SRPK2: variants seen among roughly 807,000 people sequenced by gnomAD.
SRPK2 encodes SRSF protein kinase 2, also known as SFRS protein kinase 2.
A neutral mutation model predicts 90.8 loss-of-function variants in SRPK2; 21 were observed. The observed-to-expected ratio is 0.23, with a 90% confidence interval of 0.16 to 0.33. The LOEUF (loss-of-function observed/expected upper bound fraction) is 0.33. Among genes scored for constraint, SRPK2 ranks in the 10% least tolerant of loss-of-function variants. The probability of loss-of-function intolerance (pLI) is 1.00; values close to 1 mark genes in which losing one functional copy is unlikely to be tolerated. For missense variants in SRPK2, 620 were observed against 869.0 expected, an observed-to-expected ratio of 0.71 and a Z score of 3.60; for synonymous variants, 288 against 311.1, an observed-to-expected ratio of 0.93 and a Z score of 0.78.
intron 2 of SRPK2, among the ~76,000 whole-genome samples, chr7:105,331,116 T>C (rs191210614): frequency 3.8e-4 from 58 of 151,936 alleles, no homozygotes; most frequent in Non-Finnish European, 6.6e-4. Context: ...AGCCTGACCA[T>C]CATGGTGAAA....
intron 15 of SRPK2, among the ~76,000 whole-genome samples, chr7:105,122,106 T>C (rs192505853): frequency 2.0e-5 from 3 of 152,198 alleles, no homozygotes; most frequent in Admixed American, 6.5e-5. Flanking sequence ...TAGGTAAATA[T>C]TGGAGTTTAA....
intron 2 of SRPK2, among the ~76,000 whole-genome samples, chr7:105,212,739 C>T (rs984382776): frequency 2.6e-5 from 4 of 152,064 alleles, no homozygotes; most frequent in African/African-American, 4.8e-5. Flanking sequence ...CATGGGAAAA[C>T]GCTGCAATTG....
At chr7:105,397,802 C>A (rs1002507939) in intron 1 of SRPK2, among the ~76,000 whole-genome samples, 1 of 152,046 alleles carries the variant, frequency 6.6e-6, no homozygotes, top group African/African-American at 2.4e-5. Flanking sequence ...TAGCACCATG[C>A]CCTGCTAATT....
chr7:105,332,480 T>A (rs945952791), intron 2 of SRPK2, among the ~76,000 whole-genome samples: 1 of 152,192 alleles, frequency 6.6e-6, no homozygotes, highest in Non-Finnish European at 1.5e-5. Flanking sequence ...GCTCACTTTG[T>A]AGGCCAGGCG....
intron 3 of SRPK2, among the ~76,000 whole-genome samples, chr7:105,176,226 T>A (rs1172582160): frequency 1.3e-5 from 2 of 152,158 alleles, no homozygotes; most frequent in African/African-American, 4.8e-5. Context: ...AAAGAAAATC[T>A]ATATGATGAG....
At chr7:105,323,498 T>C (rs1479269202) in intron 2 of SRPK2, among the ~76,000 whole-genome samples, 2 of 152,196 alleles carry the variant, frequency 1.3e-5, no homozygotes, top group Non-Finnish European at 2.9e-5. Context: ...ATTCCGTGTT[T>C]GAGACACTGT....
chr7:105,244,140 A>C (rs1408772711), intron 2 of SRPK2, among the ~76,000 whole-genome samples: 1 of 152,188 alleles, frequency 6.6e-6, no homozygotes, highest in African/African-American at 2.4e-5. Flanking sequence ...GCCAACCAAA[A>C]CCACTGTAGT....
At chr7:105,270,842 C>A (rs1161414126) in intron 2 of SRPK2, among the ~76,000 whole-genome samples, 1 of 152,146 alleles carries the variant, frequency 6.6e-6, no homozygotes, top group African/African-American at 2.4e-5. Context: ...AATGAAATAA[C>A]CCATGAAAAT....
At chr7:105,244,608 C>T (rs2129626525) in intron 2 of SRPK2, 1 of 667,980 alleles carries the variant, frequency 1.5e-6, no homozygotes, top group South Asian at 1.6e-5. Context: ...TTCCACGCGG[C>T]GCCAGCCCCA....
rs545246857 is a variant in SRPK2 at position 105,332,436 on chromosome 7, A to T, written c.71+56212T>A. On this transcript the variant is annotated intron_variant, in intron 2 of 15. Coordinates refer to ENST00000393651, the MANE Select transcript of SRPK2 (RefSeq NM_182692.3). ...AACTAACTGCACAAAAGATATCCACAGGAGGAGAAAACAGTGATATTTAAA... is the reference window on the plus strand; with the variant it reads ...AACTAACTGCACAAAAGATATCCACTGGAGGAGAAAACAGTGATATTTAAA... Among the ~76,000 whole-genome samples the T allele has an allele frequency of 1.2e-4, 18 of 152,254 alleles. No homozygotes were observed. In the South Asian group the frequency reaches 3.7e-3, roughly 32 times the overall value.
At chr7:105,287,701 A>T (rs1345105752) in intron 2 of SRPK2, among the ~76,000 whole-genome samples, 1 of 152,142 alleles carries the variant, frequency 6.6e-6, no homozygotes, top group East Asian at 1.9e-4. Context: ...ACACCACTGC[A>T]CTCTAGCCTG....
intron 2 of SRPK2, among the ~76,000 whole-genome samples, chr7:105,308,832 AC>A (rs1343610112): frequency 6.6e-5 from 10 of 152,212 alleles, no homozygotes; most frequent in African/African-American, 2.4e-4. Context: ...TTAAAACTCC[AC>A]GAAAACTAAA....
intron 3 of SRPK2, among the ~76,000 whole-genome samples, chr7:105,171,741 G>C (rs1328247883): frequency 6.6e-6 from 1 of 152,182 alleles, no homozygotes; most frequent in Admixed American, 6.5e-5. Context: ...GAATCTCAAG[G>C]TGTATGACAA....
At chr7:105,220,088 C>G (rs752347183) in intron 2 of SRPK2, among the ~76,000 whole-genome samples, 1 of 152,076 alleles carries the variant, frequency 6.6e-6, no homozygotes, top group South Asian at 2.1e-4. Flanking sequence ...AAATGAAATA[C>G]GGTTTAATCA....
intron 2 of SRPK2, 85 bp downstream of exon 2, chr7:105,388,563 A>T: frequency 8.2e-7 from 1 of 1,213,946 alleles, no homozygotes; most frequent in Non-Finnish European, 1.1e-6. Context: ...CGGCCCGGGG[A>T]CCCGGACAAC....
intron 7 of SRPK2, among the ~76,000 whole-genome samples, chr7:105,158,761 G>A (rs1228782223): frequency 6.6e-6 from 1 of 150,456 alleles, no homozygotes; most frequent in African/African-American, 2.4e-5. Flanking sequence ...ATAATTAGGA[G>A]ATTCTTCCCA....
chr7:105,287,256 G>A (rs1323194299), intron 2 of SRPK2, among the ~76,000 whole-genome samples: 3 of 63,644 alleles, frequency 4.7e-5, no homozygotes, highest in East Asian at 5.0e-4. Flanking sequence ...GCGAGACTCC[G>A]TCTAAAAAAA....
In SRPK2 at chr7:105,142,243, G is replaced by A. The variant is rs143848715; in HGVS notation, c.1308C>T (p.Tyr436=). 6.2e-7 allele frequency: 1 copy of A among 1,614,148 alleles called. No homozygotes were observed. Among genetic ancestry groups the A allele is most frequent in the East Asian group, 2.2e-5 (1 of 44,890 alleles). ...NLDEPNAESD[Y]TYSSSYEQFN... is the part of the protein sequence containing the mutation. ...ATTGTTCATAGGAGCTGCTATATGT[G>A]TAATCACTTTCTGCATTTGGCTCAT... is the stretch of plus-strand genomic sequence containing the variant. Residue 436 remains tyrosine (Y), a synonymous_variant, in exon 11 of 16, where the codon TAC becomes TAT. Transcript: ENST00000393651.
chr7:105,378,987 T>C (rs1272213493), intron 2 of SRPK2, among the ~76,000 whole-genome samples: 1 of 151,518 alleles, frequency 6.6e-6, no homozygotes, highest in Non-Finnish European at 1.5e-5. Flanking sequence ...GGAGATCCCA[T>C]CTCTACAAAA....
Sources: gnomAD v4.1 joint callset for allele counts (sites outside exome capture counted in the v4.1 genomes callset) on GRCh38, gnomAD v4.1.1 for gene constraint, MANE v1.5 for transcripts, NCBI Gene and HGNC (gene_info 2026-07-23, HGNC 2026-07-21) for gene names.